TANC2: variants seen among roughly 807,000 people sequenced by gnomAD.
TANC2 encodes the protein tetratricopeptide repeat, ankyrin repeat and coiled-coil containing 2.
TANC2 carries 26 observed loss-of-function variants against 210.5 expected under a neutral mutation model. The ratio of observed to expected loss-of-function variants is 0.12; its 90% confidence interval spans 0.09 to 0.17. The LOEUF is 0.17. Among genes scored for constraint, TANC2 ranks in the 10% least tolerant of loss-of-function variants. The pLI, the probability that TANC2 is intolerant of heterozygous loss-of-function variation, is 1.00. For missense variants in TANC2, 2,129 were observed against 2,608.9 expected (o/e 0.82, Z 4.01); for synonymous variants, 931 against 967.1 (o/e 0.96, Z 0.69).
rs137967891 is a variant in TANC2, at chr17:63,094,829, T to C, written c.140-4346T>C. 3.9e-5 allele frequency among the ~76,000 whole-genome samples: 6 copies of C among 152,092 alleles called. No individual in the cohort carries two copies. The East Asian group carries it at 1.2e-3, about 29-fold the overall frequency. Reference sequence around the variant, plus strand: ...GTGTCCAGCATAACTGAATTTTTTCTGTCAAGTTAGCAGTTTTTAAATTCT... The same window carrying C: ...GTGTCCAGCATAACTGAATTTTTTCCGTCAAGTTAGCAGTTTTTAAATTCT... On this transcript the variant is annotated intron_variant, in intron 3 of 27. Coordinates refer to ENST00000689528, the Ensembl canonical transcript of TANC2.
At chr17:63,075,889 T>C (rs1320859119) in intron 3 of TANC2, among the ~76,000 whole-genome samples, 1 of 152,096 alleles carries the variant, frequency 6.6e-6, no homozygotes, top group East Asian at 1.9e-4. Context: ...GAGTAAAAGA[T>C]GGGATGAGTA....
chr17:62,980,141 T>C (rs964382309), intron 1 of TANC2, among the ~76,000 whole-genome samples: 1 of 152,200 alleles, frequency 6.6e-6, no homozygotes, highest in African/African-American at 2.4e-5. Flanking sequence ...AAACAATACC[T>C]TGATTTCCTT....
At chr17:63,231,822 G>C (rs2042483923) in intron 7 of TANC2, among the ~76,000 whole-genome samples, 1 of 152,172 alleles carries the variant, frequency 6.6e-6, no homozygotes. Flanking sequence ...TTAGGTTGGG[G>C]AAGTTCTCCT....
At chr17:63,012,854 AT>A (rs1225084496) in intron 2 of TANC2, among the ~76,000 whole-genome samples, 8 of 151,912 alleles carry the variant, frequency 5.3e-5, no homozygotes, top group Admixed American at 5.2e-4. Context: ...AGATCTCGTT[AT>A]GTTTCCCAAG....
At chr17:63,292,948 C>G (rs1481941484) in intron 9 of TANC2, among the ~76,000 whole-genome samples, 3 of 152,182 alleles carry the variant, frequency 2.0e-5, no homozygotes, top group Non-Finnish European at 4.4e-5. Flanking sequence ...CCACAGTTTA[C>G]CCTCCCTGCT....
intron 1 of TANC2, among the ~76,000 whole-genome samples, chr17:62,987,892 T>G (rs780707730): frequency 1.3e-4 from 20 of 152,118 alleles, no homozygotes; most frequent in Non-Finnish European, 2.2e-4. Flanking sequence ...ACTGAGTTTT[T>G]TTTGTTTGTT....
chr17:63,086,677 C>T (rs772066265), intron 3 of TANC2, among the ~76,000 whole-genome samples: 1 of 151,880 alleles, frequency 6.6e-6, no homozygotes, highest in Non-Finnish European at 1.5e-5. Context: ...GTGTTTAATC[C>T]CTGCTGTTGA....
chr17:63,073,983 T>C (rs755557492), exon 3 of TANC2: 1 of 1,590,046 alleles, frequency 6.3e-7, no homozygotes, highest in African/African-American at 1.3e-5. Flanking sequence ...GACAGTCAAG[T>C]GTAGACTCTC....
intron 2 of TANC2, among the ~76,000 whole-genome samples, chr17:63,023,091 A>G (rs1368660618): frequency 3.3e-5 from 5 of 152,230 alleles, no homozygotes; most frequent in Non-Finnish European, 7.3e-5. Context: ...TGGAGCCACC[A>G]CAGAGGTTCC....
intron 8 of TANC2, among the ~76,000 whole-genome samples, chr17:63,247,319 T>C (rs2042944546): frequency 6.6e-6 from 1 of 152,086 alleles, no homozygotes; most frequent in Non-Finnish European, 1.5e-5. Context: ...ATGTTTTTCA[T>C]GTCACTTTCC....
At chr17:63,243,821 A>G (rs2042842895) in intron 8 of TANC2, among the ~76,000 whole-genome samples, 1 of 152,132 alleles carries the variant, frequency 6.6e-6, no homozygotes, top group Non-Finnish European at 1.5e-5. Context: ...ATTTCTCAAC[A>G]TAAGTTCCAT....
At chr17:63,237,024 G>A (rs763477256) in intron 7 of TANC2, among the ~76,000 whole-genome samples, 8 of 152,132 alleles carry the variant, frequency 5.3e-5, no homozygotes, top group Non-Finnish European at 8.8e-5. Context: ...TGGAATTGCT[G>A]GATTGAATGG....
chr17:63,070,588 A>G (rs1016270844), intron 2 of TANC2, among the ~76,000 whole-genome samples: 1 of 152,136 alleles, frequency 6.6e-6, no homozygotes, highest in African/African-American at 2.4e-5. Context: ...ATCAGGGGTC[A>G]TTTCCCACTG....
At chr17:63,186,350 CTTTTTTT>C (rs11314991) in intron 5 of TANC2, among the ~76,000 whole-genome samples, 1 of 114,386 alleles carries the variant, frequency 8.7e-6, no homozygotes, top group Non-Finnish European at 1.7e-5. Flanking sequence ...CTCTCTCTCT[CTTTTTTT>C]TTTTTTTTTT....
chr17:63,373,838 G>A (rs1388792778), intron 14 of TANC2, among the ~76,000 whole-genome samples: 3 of 151,910 alleles, frequency 2.0e-5, no homozygotes, highest in African/African-American at 4.8e-5. Context: ...AAAATTAGCC[G>A]GGCATGGTGG....
At chr17:63,025,348 C>T (rs2034505610) in intron 2 of TANC2, among the ~76,000 whole-genome samples, 1 of 152,038 alleles carries the variant, frequency 6.6e-6, no homozygotes, top group African/African-American at 2.4e-5. Context: ...ATAATGTCTT[C>T]CGGTTGTGGA....
At chr17:63,406,436 TG>T (rs2048510328) in intron 21 of TANC2, among the ~76,000 whole-genome samples, 159 bp downstream of exon 21, 1 of 152,240 alleles carries the variant, frequency 6.6e-6, no homozygotes, top group Admixed American at 6.5e-5. Context: ...TTCAGTGTAA[TG>T]TTTTTAACTC....
At chr17:63,310,574 C>A (rs73325730) in intron 9 of TANC2, among the ~76,000 whole-genome samples, 3,200 of 152,228 alleles carry the variant, frequency 0.021, 104 homozygotes, top group African/African-American at 0.072. Flanking sequence ...TAAAAATGTT[C>A]TCACAAATTC....
intron 4 of TANC2, among the ~76,000 whole-genome samples, chr17:63,134,866 C>T (rs1054545492): frequency 6.6e-5 from 10 of 152,138 alleles, no homozygotes; most frequent in Admixed American, 4.6e-4. Flanking sequence ...ATATTTCTAT[C>T]TTGAAAGATG....
Sources: gnomAD v4.1 joint callset for allele counts (sites outside exome capture counted in the v4.1 genomes callset) on GRCh38, gnomAD v4.1.1 for gene constraint, MANE v1.5 for transcripts, NCBI Gene and HGNC (gene_info 2026-07-23, HGNC 2026-07-21) for gene names.